ING5: variants seen among roughly 807,000 people sequenced by gnomAD.
ING5 encodes the protein inhibitor of growth protein 5.
ING5 carries 17 observed loss-of-function variants against 37.4 expected under a neutral mutation model. The ratio of observed to expected loss-of-function variants is 0.45; its 90% CI spans 0.31 to 0.68. ING5 has a LOEUF of 0.68. ING5 is among the 30% of genes least tolerant of loss of function. The probability of loss-of-function intolerance (pLI) is 0.05; values close to 1 mark genes in which losing one functional copy is unlikely to be tolerated. For missense variants in ING5, 233 were observed against 311.9 expected, an observed-to-expected ratio of 0.75 and a Z score of 1.91; for synonymous variants, 123 against 116.6, an observed-to-expected ratio of 1.06 and a Z score of -0.36.
chr2:241,723,169 C>A (rs764987159), intron 6 of ING5, 41 bp from the exon 7 acceptor site: 7 of 1,613,508 alleles, frequency 4.3e-6, no homozygotes, highest in Non-Finnish European at 5.9e-6. Flanking sequence ...GCATACAGAA[C>A]ATGAGGCGTG....
intron 5 of ING5, among the ~76,000 whole-genome samples, chr2:241,718,100 C>T (rs2070323546): frequency 6.6e-6 from 1 of 152,108 alleles, no homozygotes; most frequent in Non-Finnish European, 1.5e-5. Flanking sequence ...GCAGCCTCTG[C>T]CTCCCGGGTT....
intron 2 of ING5, among the ~76,000 whole-genome samples, chr2:241,694,543 A>G (rs943764373): frequency 2.0e-5 from 3 of 152,146 alleles, no homozygotes; most frequent in African/African-American, 7.2e-5. Flanking sequence ...TTAAAATGAA[A>G]TAAATGTGAT....
intron 5 of ING5, chr2:241,720,311 G>C: frequency 8.2e-7 from 1 of 1,223,138 alleles, no homozygotes. Flanking sequence ...TGTGGTGCCA[G>C]GCCGCTCTGC....
At chr2:241,719,544 A>ACCGTGCCT in intron 5 of ING5, 3 of 1,535,994 alleles carry the variant, frequency 2.0e-6, no homozygotes, top group Non-Finnish European at 2.6e-6. Context: ...CCCTGTCCCG[A>ACCGTGCCT]CCGTGCCTTT....
intron 5 of ING5, among the ~76,000 whole-genome samples, chr2:241,716,182 TTC>T (rs2070262285): frequency 6.6e-6 from 1 of 152,096 alleles, no homozygotes; most frequent in Non-Finnish European, 1.5e-5. Flanking sequence ...GCTATTAGTT[TTC>T]TGTTTGTTCC....
chr2:241,701,131 T>G (rs2069715041), upstream of ING5, among the ~76,000 whole-genome samples: 1 of 149,810 alleles, frequency 6.7e-6, no homozygotes, highest in South Asian at 2.1e-4. Flanking sequence ...TTTTTTTTTT[T>G]TTTTGTATTT....
intron 2 of ING5, 170 bp from the exon 3 acceptor site, chr2:241,709,046 G>A: frequency 1.5e-6 from 1 of 662,510 alleles, no homozygotes; most frequent in South Asian, 1.9e-5. Context: ...ATCCCAGACT[G>A]TTTGTGCAGA....
intron 2 of ING5, among the ~76,000 whole-genome samples, chr2:241,696,622 G>GA (rs1039389293): frequency 2.0e-5 from 3 of 151,698 alleles, no homozygotes; most frequent in Non-Finnish European, 2.9e-5. Flanking sequence ...CAACTCTACA[G>GA]AAAAAAAATT....
chr2:241,693,078 G>A (rs1432240478), intron 2 of ING5, among the ~76,000 whole-genome samples: 1 of 151,960 alleles, frequency 6.6e-6, no homozygotes, highest in African/African-American at 2.4e-5. Flanking sequence ...GGCCAACGTG[G>A]TGAAACCCCG....
At chr2:241,719,304 G>A (rs954273810) in intron 5 of ING5, among the ~76,000 whole-genome samples, 14 of 152,242 alleles carry the variant, frequency 9.2e-5, no homozygotes, top group African/African-American at 2.4e-4. Context: ...TGGGCTCAGC[G>A]TGGCCCAGTG....
rs751949734 is a variant in ING5, at chr2:241,724,981, T to C, written c.681-8T>C. 2 of 1,613,956 alleles carry C rather than the reference T, an allele frequency of 1.2e-6. No individual in the cohort carries two copies. The highest frequency in any genetic ancestry group is 1.7e-6 in the Non-Finnish European group (2 of 1,179,872). On this transcript the variant is annotated splice_region_variant and splice_polypyrimidine_tract_variant and intron_variant, in intron 7 of 7. Coordinates refer to ENST00000313552, the MANE Select transcript of ING5 (RefSeq NM_032329.6). ...GCCCAGGGCCTCACTGCGCCTTTCTTGTCACAGGTTCTGTCCACGGTGTGT... is the reference window on the plus strand; with the variant it reads ...GCCCAGGGCCTCACTGCGCCTTTCTCGTCACAGGTTCTGTCCACGGTGTGT...
At chr2:241,718,589 A>G (rs1003356942) in intron 5 of ING5, among the ~76,000 whole-genome samples, 2 of 151,020 alleles carry the variant, frequency 1.3e-5, no homozygotes, top group Non-Finnish European at 3.0e-5. Context: ...CTAATTTTGT[A>G]TTTTTAGTAT....
chr2:241,708,693 C>T (rs559711736), intron 2 of ING5, among the ~76,000 whole-genome samples: 2 of 152,122 alleles, frequency 1.3e-5, no homozygotes, highest in Non-Finnish European at 2.9e-5. Context: ...GAGTAGCACT[C>T]TGTTGTCTGA....
At chr2:241,704,397 G>A (rs1328352403) in intron 1 of ING5, among the ~76,000 whole-genome samples, 4 of 152,056 alleles carry the variant, frequency 2.6e-5, no homozygotes, top group African/African-American at 9.7e-5. Flanking sequence ...GTGAAACCCC[G>A]TCTCAACTAA....
In ING5 at chr2:241,728,579, G is replaced by T. The variant is rs796939725; in HGVS notation, c.*3548G>T. ...AGTGAAAACAGGAGCTGGTGAAACC[G>T]AGCCCTCTGCATCTGCGAATGTGCC... On this transcript the variant is annotated 3_prime_UTR_variant, in exon 8 of 8. Coordinates refer to ENST00000313552, the MANE Select transcript of ING5 (RefSeq NM_032329.6). 1.3e-5 allele frequency: 2 copies of T among 152,826 alleles called. No homozygotes were observed. The highest frequency in any genetic ancestry group is 3.9e-4 in the East Asian group (2 of 5,188). The allele number at this position is 152,826 out of a possible 1,614,324, so 9.5% of individuals were successfully genotyped here.
In ING5 at chr2:241,709,578, G is replaced by T. The variant is rs535064398; in HGVS notation, c.276+196G>T. Among the ~76,000 whole-genome samples, 126 of 142,924 alleles carry T rather than the reference G, an allele frequency of 8.8e-4. 1 individual carries two copies. Among genetic ancestry groups the T allele is most frequent in the Non-Finnish European group, 1.2e-3 (76 of 65,596 alleles). 93.8% of individuals were successfully genotyped at this position (142,924 alleles called of 152,430 possible). A position where few individuals can be genotyped will look rare whatever the true frequency, so the allele number is the denominator to read the frequency against. On this transcript the variant is annotated intron_variant, in intron 3 of 7. Coordinates refer to ENST00000313552, the MANE Select transcript of ING5 (RefSeq NM_032329.6). The stretch of plus-strand genomic sequence containing the variant: ...CTGTTTTTTTTTTTTTTTTTTCTGG[G>T]CCCTTTTTGTTTGTGTATCTGCTCG...
chr2:241,702,954 C>G (rs990837142), intron 1 of ING5, among the ~76,000 whole-genome samples: 1 of 152,186 alleles, frequency 6.6e-6, no homozygotes, highest in Non-Finnish European at 1.5e-5. Flanking sequence ...TCCTCATGGT[C>G]TTCGGCCTGG....
intron 2 of ING5, among the ~76,000 whole-genome samples, chr2:241,705,391 T>C (rs1210407138): frequency 2.8e-4 from 41 of 145,006 alleles, no homozygotes; most frequent in Non-Finnish European, 1.4e-4. Flanking sequence ...ACTCTGTTTT[T>C]TTCTTTTTTT....
rs1324068390 is a variant in ING5 at position 241,725,014 on chromosome 2, A to G, written c.706A>G (p.Lys236Glu). 27 of 1,613,998 alleles carry G rather than the reference A, an allele frequency of 1.7e-5. No homozygotes were observed. In the Admixed American group the frequency reaches 4.3e-4, roughly 26 times the overall value. Residue 236 changes from lysine to glutamate, a missense_variant, in exon 8 of 8, where the codon AAG (lysine) becomes GAG (glutamate). Around this residue, in one of 4 missense-constraint regions of ING5, gnomAD observed 45 missense variants for 98.2 expected, o/e 0.46. Coordinates refer to ENST00000313552, the MANE Select transcript of ING5 (RefSeq NM_032329.6). The stretch of plus-strand genomic sequence containing the variant: ...GTTCTGTCCACGGTGTGTCCAGGAA[A>G]AGAGGAAGAAGAAGTAGGAGGAGCT... ...KWFCPRCVQE[K>E]RKKK
Sources: allele counts gnomAD v4.1 joint callset (sites outside exome capture counted in the v4.1 genomes callset), GRCh38; gene constraint gnomAD v4.1.1; regional missense constraint gnomAD v4.1.1; transcripts MANE v1.5; gene names NCBI Gene and HGNC (gene_info 2026-07-23, HGNC 2026-07-21).